The following ADK variants were observed in gnomAD, a reference collection of about 807,000 sequenced individuals.
The protein encoded by ADK is adenosine kinase.
A neutral mutation model predicts 44.7 loss-of-function variants in ADK; 24 were observed. The observed-to-expected ratio is 0.54, with a 90% CI of 0.39 to 0.76. The LOEUF (loss-of-function observed/expected upper bound fraction) is 0.76, where lower values mean the gene tolerates loss of function less well. Among genes scored for constraint, ADK ranks in the 30% least tolerant of loss-of-function variants. The pLI, the probability that ADK is intolerant of heterozygous loss-of-function variation, is 0.00. For missense variants in ADK, 321 were observed against 425.1 expected (o/e 0.76, Z 2.15); for synonymous variants, 128 against 142.6 (o/e 0.90, Z 0.73).
At chr10:74,583,835 A>G (rs558326547) in intron 7 of ADK, among the ~76,000 whole-genome samples, 2 of 152,320 alleles carry the variant, frequency 1.3e-5, no homozygotes, top group East Asian at 1.9e-4. Flanking sequence ...AAAGGTGTCA[A>G]CCAGGTTTGT....
At chr10:74,317,595 T>C (rs1592038254) in intron 4 of ADK, among the ~76,000 whole-genome samples, 1 of 147,522 alleles carries the variant, frequency 6.8e-6, no homozygotes, top group African/African-American at 2.5e-5. Context: ...TGGAAGAAAA[T>C]GACTTCCTTG....
intron 9 of ADK, among the ~76,000 whole-genome samples, chr10:74,658,667 G>A (rs931605323): frequency 6.6e-6 from 1 of 151,904 alleles, no homozygotes; most frequent in Non-Finnish European, 1.5e-5. Context: ...GGGCTCAAGC[G>A]ATTCTCCTGT....
intron 3 of ADK, among the ~76,000 whole-genome samples, chr10:74,309,364 T>A (rs1349501831): frequency 6.6e-6 from 1 of 152,174 alleles, no homozygotes; most frequent in Non-Finnish European, 1.5e-5. Flanking sequence ...AATATATCCT[T>A]GATTACTGTG....
At chr10:74,252,981 A>G (rs185661938) in intron 3 of ADK, among the ~76,000 whole-genome samples, 38 of 152,302 alleles carry the variant, frequency 2.5e-4, no homozygotes, top group African/African-American at 9.1e-4. Flanking sequence ...TTATGTGTCC[A>G]GTTATTTTGT....
At chr10:74,676,491 G>T (rs895742356) in intron 10 of ADK, among the ~76,000 whole-genome samples, 2 of 151,780 alleles carry the variant, frequency 1.3e-5, no homozygotes, top group Middle Eastern at 6.8e-3. Flanking sequence ...TTTTTTTGGA[G>T]GGGGAGATGG....
intron 9 of ADK, among the ~76,000 whole-genome samples, chr10:74,606,711 G>A (rs1180286445): frequency 6.6e-6 from 1 of 152,192 alleles, no homozygotes; most frequent in East Asian, 1.9e-4. Flanking sequence ...TGTATATTCT[G>A]TTGATTTGGG....
intron 2 of ADK, among the ~76,000 whole-genome samples, chr10:74,219,944 A>G (rs546693333): frequency 1.4e-5 from 2 of 145,968 alleles, no homozygotes; most frequent in Admixed American, 6.9e-5. Context: ...ACACCCTAAC[A>G]TCACAATTAA....
chr10:74,708,824 ATTAATC>A lies in ADK; in HGVS notation c.*384_*389del, dbSNP rs1013886594. On this transcript the variant is annotated 3_prime_UTR_variant, in exon 11 of 11. Coordinates refer to ENST00000539909, the MANE Select transcript of ADK (RefSeq NM_006721.4). Reference sequence around the variant, plus strand: ...TTTAATATAATAGATTTTTTAATGAATTAATCTTAACATAGTAATCTTTAGCTTTTT... The same window carrying A: ...TTTAATATAATAGATTTTTTAATGAATTAACATAGTAATCTTTAGCTTTTT... 31 of 228,800 alleles carry A rather than the reference ATTAATC, an allele frequency of 1.4e-4. No individual in the cohort carries two copies. Among genetic ancestry groups the A allele is most frequent in the African/African-American group, 6.8e-4 (29 of 42,642 alleles). 14.2% of individuals were successfully genotyped at this position (228,800 alleles called of 1,614,324 possible). A position where few individuals can be genotyped will look rare whatever the true frequency, so the allele number is the denominator to read the frequency against.
At chr10:74,433,184 C>T (rs138540362) in intron 6 of ADK, among the ~76,000 whole-genome samples, 18 of 152,276 alleles carry the variant, frequency 1.2e-4, no homozygotes, top group Non-Finnish European at 2.2e-4. Context: ...ATGTCATAAT[C>T]TCATTCATTA....
chr10:74,306,112 T>C (rs1384006605), intron 3 of ADK, among the ~76,000 whole-genome samples: 5 of 152,082 alleles, frequency 3.3e-5, no homozygotes, highest in Non-Finnish European at 5.9e-5. Context: ...TTTAGTATTG[T>C]CCTATAGGTC....
intron 3 of ADK, among the ~76,000 whole-genome samples, chr10:74,249,870 A>G (rs1269310251): frequency 6.6e-6 from 1 of 152,188 alleles, no homozygotes; most frequent in East Asian, 1.9e-4. Flanking sequence ...GTTTTATACT[A>G]TGTGTAAAGC....
At chr10:74,160,690 G>GGT (rs779393232) in intron 1 of ADK, among the ~76,000 whole-genome samples, 4,637 of 136,234 alleles carry the variant, frequency 0.034, 87 homozygotes, top group East Asian at 0.05. Flanking sequence ...TGCAGGTAGG[G>GGT]GTGTGTGTGT....
intron 6 of ADK, among the ~76,000 whole-genome samples, chr10:74,486,916 C>A (rs1233795279): frequency 6.6e-6 from 1 of 152,114 alleles, no homozygotes; most frequent in Non-Finnish European, 1.5e-5. Context: ...TTTCCCAGAT[C>A]TATGTGTACT....
At chr10:74,179,189 A>G (rs2132076152) in intron 1 of ADK, among the ~76,000 whole-genome samples, 1 of 152,360 alleles carries the variant, frequency 6.6e-6, no homozygotes, top group South Asian at 2.1e-4. Context: ...ATAGTTTTGA[A>G]TGAGTTGGTC....
intron 9 of ADK, among the ~76,000 whole-genome samples, chr10:74,647,502 G>A (rs534861575): frequency 1.3e-4 from 20 of 152,210 alleles, no homozygotes; most frequent in African/African-American, 4.3e-4. Context: ...CCGAATGAGC[G>A]GGGAGATATT....
intron 3 of ADK, among the ~76,000 whole-genome samples, chr10:74,237,944 G>T (rs2132289468): frequency 6.6e-6 from 1 of 152,184 alleles, no homozygotes; most frequent in East Asian, 1.9e-4. Flanking sequence ...ACTAAGAATA[G>T]AAAATTAGGT....
At chr10:74,432,401 T>C (rs1845032493) in intron 6 of ADK, among the ~76,000 whole-genome samples, 1 of 152,212 alleles carries the variant, frequency 6.6e-6, no homozygotes, top group Admixed American at 6.5e-5. Context: ...ATATCTCACA[T>C]TGATCATCCT....
rs573060429 is a variant in ADK at position 74,684,721 on chromosome 10, G to A, written c.964+14452G>A. On this transcript the variant is annotated intron_variant, in intron 10 of 10. Coordinates refer to ENST00000539909, the MANE Select transcript of ADK (RefSeq NM_006721.4). The stretch of plus-strand genomic sequence containing the variant: ...CAGGAGGTCAAGGCTGCAGTGAGCC[G>A]TGATCACACCACTGCATTCCAGTCT... Among the ~76,000 whole-genome samples the A allele has an allele frequency of 3.9e-5, 6 of 152,144 alleles. No individual in the cohort carries two copies. In the South Asian group the frequency reaches 6.2e-4, roughly 16 times the overall value.
At chr10:74,310,210 A>G (rs1840388020) in intron 3 of ADK, among the ~76,000 whole-genome samples, 1 of 152,160 alleles carries the variant, frequency 6.6e-6, no homozygotes, top group Non-Finnish European at 1.5e-5. Context: ...AAATTACTAA[A>G]ATTCCCATAC....
Sources: allele counts gnomAD v4.1 joint callset (sites outside exome capture counted in the v4.1 genomes callset), GRCh38; gene constraint gnomAD v4.1.1; transcripts MANE v1.5; gene names NCBI Gene and HGNC (gene_info 2026-07-23, HGNC 2026-07-21).